The following KDM6A variants were observed in gnomAD, a reference collection of about 807,000 sequenced individuals.
The protein encoded by KDM6A is lysine demethylase 6A.
A neutral mutation model predicts 117.6 loss-of-function variants in KDM6A; 11 were observed. The ratio of observed to expected loss-of-function variants is 0.09; its 90% CI spans 0.06 to 0.15. KDM6A has a LOEUF of 0.15. Ranked by LOEUF, KDM6A falls within the 10% of genes least tolerant of loss-of-function variation. KDM6A has a pLI of 1.00. For synonymous variants in KDM6A, 384 were observed against 396.1 expected (o/e 0.97, Z 0.36); for missense variants, 799 against 1,077.3 (o/e 0.74, Z 3.62).
At chrX:45,060,513 C>A in intron 13 of KDM6A, 96 bp from the exon 14 acceptor site, 1 of 704,513 alleles carries the variant, frequency 1.4e-6, no homozygotes, top group Non-Finnish European at 1.9e-6. Context: ...GTCCACATAG[C>A]TTTGAAAAGT....
rs766557829 is a variant in KDM6A at position 44,961,268 on chromosome X, A to AT, written c.226-9dup. 4.4e-6 allele frequency: 5 copies of AT among 1,146,130 alleles called. No homozygotes were observed. The highest frequency in any genetic ancestry group is 5.9e-6 in the Non-Finnish European group (5 of 841,109). 94.5% of individuals were successfully genotyped at this position (1,146,130 alleles called of 1,213,427 possible). On this transcript the variant is annotated splice_polypyrimidine_tract_variant and intron_variant, in intron 2 of 29. Coordinates refer to ENST00000611820, the MANE Select transcript of KDM6A (RefSeq NM_001291415.2). ...CTTTATTTTTTGCTTACATATTTGT[A>AT]TTTTTTTATTTCTAGGCTGTTCGCT...
intron 2 of KDM6A, among the ~76,000 whole-genome samples, chrX:44,919,024 A>G (rs1412368024): frequency 9.0e-6 from 1 of 111,674 alleles, no homozygotes; most frequent in East Asian, 2.8e-4. Flanking sequence ...GGAGGATTGA[A>G]GTTTTCCTAG....
intron 2 of KDM6A, among the ~76,000 whole-genome samples, chrX:44,932,661 C>T (rs2036703099): frequency 9.0e-6 from 1 of 111,030 alleles, no homozygotes. Context: ...AGCTTTCTCC[C>T]CATTTAATTG....
chrX:45,103,626 T>C (rs1225838909), intron 27 of KDM6A, among the ~76,000 whole-genome samples: 2 of 112,508 alleles, frequency 1.8e-5, no homozygotes, highest in Non-Finnish European at 3.8e-5. Context: ...GCAAGTGTAT[T>C]TTCATTCTAT....
At chrX:44,877,344 C>T (rs765917205) in intron 2 of KDM6A, among the ~76,000 whole-genome samples, 3 of 104,054 alleles carry the variant, frequency 2.9e-5, no homozygotes, top group Admixed American at 1.0e-4. Context: ...CTAGAGCCTG[C>T]GTAATTAGAG....
intron 2 of KDM6A, among the ~76,000 whole-genome samples, chrX:44,900,287 A>C (rs1270448608): frequency 1.8e-5 from 2 of 111,967 alleles, no homozygotes; most frequent in Non-Finnish European, 3.8e-5. Context: ...TAGGAAGGAG[A>C]GGCGGTACGT....
intron 2 of KDM6A, among the ~76,000 whole-genome samples, chrX:44,921,676 A>G (rs187711050): frequency 1.8e-5 from 2 of 111,388 alleles, no homozygotes; most frequent in East Asian, 5.6e-4. Context: ...TTCTATGGTT[A>G]TGGATATACC....
intron 5 of KDM6A, among the ~76,000 whole-genome samples, chrX:45,011,645 A>G (rs1462361473): frequency 8.9e-6 from 1 of 111,985 alleles, no homozygotes; most frequent in Non-Finnish European, 1.9e-5. Context: ...GTATGCACTA[A>G]TGGGGTAAAA....
At chrX:45,026,158 A>T (rs899028338) in intron 6 of KDM6A, among the ~76,000 whole-genome samples, 1 of 112,061 alleles carries the variant, frequency 8.9e-6, no homozygotes, top group African/African-American at 3.2e-5. Flanking sequence ...ACTTAACAGA[A>T]TTTTTTTCTA....
chrX:45,099,611 A>G (rs908143921), intron 27 of KDM6A, among the ~76,000 whole-genome samples: 48 of 111,974 alleles, frequency 4.3e-4, no homozygotes, highest in African/African-American at 1.5e-3. Context: ...ATTAAGTTTT[A>G]CTTTAAAAAG....
chrX:44,913,423 C>T (rs746415035), intron 2 of KDM6A, among the ~76,000 whole-genome samples: 4 of 107,907 alleles, frequency 3.7e-5, no homozygotes, highest in Admixed American at 1.0e-4. Context: ...CTCAGCCTCC[C>T]GAGTAAATGA....
intron 5 of KDM6A, among the ~76,000 whole-genome samples, chrX:45,016,453 T>TATG (rs2041964203): frequency 6.8e-4 from 67 of 98,736 alleles, no homozygotes; most frequent in African/African-American, 2.5e-3. Flanking sequence ...TGATTTTATT[T>TATG]TATGTATGTA....
At position 44,873,546 on chromosome X, in the gene KDM6A, G is replaced by A. The variant is rs1387041621; in HGVS notation, c.-6G>A. ...GGCGTTGGAGTTGTGAATTCGCTGC[G>A]TTTCCATGAAATCCTGCGGAGTGTC... is the stretch of plus-strand genomic sequence containing the variant. On this transcript the variant is annotated 5_prime_UTR_variant, in exon 1 of 30. Coordinates refer to ENST00000611820, the MANE Select transcript of KDM6A (RefSeq NM_001291415.2). 1.7e-6 allele frequency: 2 copies of A among 1,206,934 alleles called. No individual in the cohort carries two copies. The highest frequency in any genetic ancestry group is 3.0e-5 in the East Asian group (1 of 33,611).
chrX:45,066,070 G>A (rs1019060778), intron 17 of KDM6A, among the ~76,000 whole-genome samples: 1 of 111,402 alleles, frequency 9.0e-6, no homozygotes, highest in African/African-American at 3.3e-5. Context: ...ATTTTTGAAG[G>A]GTTGTAAAAA....
Position 45,051,686 on chromosome X carries a change from A to G in KDM6A, c.655-23A>G, listed in dbSNP as rs374931979. 8.2e-4 allele frequency: 781 copies of G among 955,516 alleles called. No homozygotes were observed. The highest frequency in any genetic ancestry group is 7.3e-4 in the Non-Finnish European group (489 of 669,852). The allele number at this position is 955,516 out of a possible 1,213,427, so 78.7% of individuals were successfully genotyped here. A position where few individuals can be genotyped will look rare whatever the true frequency, so the allele number is the denominator to read the frequency against. ...TTAAAGATTATGTTAATTTTTCTCCAAATCTCTTTTTCTGTTCTTTAGAGG... is the reference window on the plus strand; with the variant it reads ...TTAAAGATTATGTTAATTTTTCTCCGAATCTCTTTTTCTGTTCTTTAGAGG... On this transcript the variant is annotated intron_variant, in intron 8 of 29. Coordinates refer to ENST00000611820, the MANE Select transcript of KDM6A (RefSeq NM_001291415.2).
At chrX:45,102,154 C>A (rs747290580) in intron 27 of KDM6A, among the ~76,000 whole-genome samples, 2 of 111,862 alleles carry the variant, frequency 1.8e-5, no homozygotes, top group Non-Finnish European at 3.8e-5. Flanking sequence ...TTGACACTTA[C>A]GAAGTAAGAG....
chrX:45,102,792 C>T (rs943498376), intron 27 of KDM6A, among the ~76,000 whole-genome samples: 3 of 111,521 alleles, frequency 2.7e-5, no homozygotes, highest in Non-Finnish European at 3.8e-5. Flanking sequence ...TTAAGATATG[C>T]GTTTTTTCAT....
At chrX:45,109,963 C>T (rs1214384798) in intron 28 of KDM6A, 116 bp from the exon 29 acceptor site, 13 of 723,195 alleles carry the variant, frequency 1.8e-5, no homozygotes, top group Non-Finnish European at 2.7e-5. Flanking sequence ...ACCACCTACT[C>T]TTAACCAGAG....
chrX:44,976,719 C>T (rs1373385050), intron 4 of KDM6A, among the ~76,000 whole-genome samples: 1 of 111,606 alleles, frequency 9.0e-6, no homozygotes, highest in African/African-American at 3.3e-5. Flanking sequence ...GTTTGTTTAT[C>T]CTTTCATCAG....
Sources: gnomAD v4.1 joint callset for allele counts (sites outside exome capture counted in the v4.1 genomes callset) on GRCh38, gnomAD v4.1.1 for gene constraint, MANE v1.5 for transcripts, NCBI Gene and HGNC (gene_info 2026-07-23, HGNC 2026-07-21) for gene names.